The following COL23A1 variants were observed in gnomAD, a reference collection of about 807,000 sequenced individuals.
COL23A1 encodes the protein collagen type XXIII alpha 1 chain, also known as collagen alpha-1(XXIII) chain.
COL23A1 carries 97 observed loss-of-function variants against 99.3 expected under a neutral mutation model. The observed-to-expected ratio is 0.98, with a 90% CI of 0.83 to 1.16. COL23A1 has a LOEUF of 1.16. COL23A1 is among the 50% of genes most tolerant of loss of function. The probability of loss-of-function intolerance (pLI) is 0.00; values close to 1 mark genes in which losing one functional copy is unlikely to be tolerated. For synonymous variants in COL23A1, 320 were observed against 308.2 expected (o/e 1.04, Z -0.40); for missense variants, 762 against 757.4 (o/e 1.01, Z -0.07).
intron 2 of COL23A1, among the ~76,000 whole-genome samples, chr5:178,350,518 T>C (rs889252142): frequency 6.6e-6 from 1 of 152,090 alleles, no homozygotes; most frequent in South Asian, 2.1e-4. Flanking sequence ...GACTCTGCAA[T>C]GTGGGGAGCA....
At chr5:178,290,221 C>T (rs911547749) in intron 4 of COL23A1, 141 bp downstream of exon 4, 27 of 1,186,372 alleles carry the variant, frequency 2.3e-5, no homozygotes, top group African/African-American at 3.0e-5. Flanking sequence ...CGTGAGCCAC[C>T]GCACCTGGCC....
intron 2 of COL23A1, among the ~76,000 whole-genome samples, chr5:178,463,409 G>A (rs1756234023): frequency 6.6e-6 from 1 of 152,242 alleles, no homozygotes; most frequent in Non-Finnish European, 1.5e-5. Context: ...GTGAGGTGGA[G>A]TGAAACTGTT....
At chr5:178,379,485 C>T (rs534802110) in intron 2 of COL23A1, among the ~76,000 whole-genome samples, 2 of 152,274 alleles carry the variant, frequency 1.3e-5, no homozygotes, top group South Asian at 2.1e-4. Context: ...GCCTTTGACA[C>T]ATTATTCTCT....
chr5:178,538,593 C>T (rs1301169012), intron 2 of COL23A1, among the ~76,000 whole-genome samples: 1 of 152,226 alleles, frequency 6.6e-6, no homozygotes, highest in Non-Finnish European at 1.5e-5. Flanking sequence ...GCCTGGAGCA[C>T]TGTTTCACAG....
chr5:178,590,348 C>T lies in COL23A1; in HGVS notation c.-151G>A. ...TAGCAGCGGATCGCCGCGCACGCCCCCTTCGCCGCAGCCAGCTCCTCCACA... is the reference window on the plus strand; with the variant it reads ...TAGCAGCGGATCGCCGCGCACGCCCTCTTCGCCGCAGCCAGCTCCTCCACA... On this transcript the variant is annotated 5_prime_UTR_variant, in exon 1 of 29. Transcript: ENST00000390654. This position sits in a 1 kb window ranked among gnomAD's most constrained non-coding sequence, Gnocchi z 5.7. 1.6e-6 allele frequency: 1 copy of T among 617,202 alleles called. No individual in the cohort carries two copies. Among genetic ancestry groups the T allele is most frequent in the Non-Finnish European group, 2.2e-6 (1 of 448,866 alleles). The allele number at this position is 617,202 out of a possible 1,614,324, so 38.2% of individuals were successfully genotyped here. A position where few individuals can be genotyped will look rare whatever the true frequency, so the allele number is the denominator to read the frequency against.
intron 18 of COL23A1, 64 bp downstream of exon 18, chr5:178,249,985 GCACACACACACA>G: frequency 2.3e-6 from 3 of 1,307,084 alleles, no homozygotes; most frequent in Admixed American, 1.8e-5. Context: ...ACATGCACAC[GCACACACACACA>G]CACACACACA....
intron 2 of COL23A1, among the ~76,000 whole-genome samples, chr5:178,556,478 C>T (rs956078095): frequency 1.3e-5 from 2 of 150,914 alleles, no homozygotes; most frequent in African/African-American, 4.9e-5. Flanking sequence ...CAAAAATTAG[C>T]TGGGCGTGGT....
chr5:178,314,380 C>T (rs188458789), intron 2 of COL23A1, among the ~76,000 whole-genome samples: 521 of 152,240 alleles, frequency 3.4e-3, no homozygotes, highest in African/African-American at 0.012. Context: ...TCTTCGTCTT[C>T]GTCATGTTTG....
rs375536661 is a variant in COL23A1 at position 178,252,617 on chromosome 5, C to A, written c.961-20G>T. 6.2e-7 allele frequency: 1 copy of A among 1,602,062 alleles called. No homozygotes were observed. On this transcript the variant is annotated intron_variant, in intron 16 of 28. Coordinates refer to ENST00000390654, the MANE Select transcript of COL23A1 (RefSeq NM_173465.4). ...AGGCCCCTGTGTGTGAGAGTGAAGC[C>A]GGTCAGTGTCATGGGTTAGGCAGGG...
chr5:178,448,551 C>T (rs11956284), intron 2 of COL23A1, among the ~76,000 whole-genome samples: 29,706 of 151,698 alleles, frequency 0.2, 3,671 homozygotes, highest in African/African-American at 0.35. Context: ...GATCGAGGAC[C>T]TAGCATCTGG....
At chr5:178,272,333 G>A (rs751143797) in intron 5 of COL23A1, among the ~76,000 whole-genome samples, 3 of 152,228 alleles carry the variant, frequency 2.0e-5, no homozygotes, top group Non-Finnish European at 2.9e-5. Context: ...TGGCCCATCT[G>A]CCCATTCCCA....
At chr5:178,584,472 G>T (rs759900306) in intron 1 of COL23A1, among the ~76,000 whole-genome samples, 56 of 152,162 alleles carry the variant, frequency 3.7e-4, no homozygotes, top group Admixed American at 2.0e-4. Flanking sequence ...AAAGCACTGA[G>T]ATTATAGGTG....
chr5:178,512,493 GGA>G (rs1759264568), intron 2 of COL23A1, among the ~76,000 whole-genome samples: 1 of 152,178 alleles, frequency 6.6e-6, no homozygotes, highest in Non-Finnish European at 1.5e-5. Context: ...GTCCAGCAAG[GGA>G]GAGAGACAGA....
chr5:178,535,590 G>A (rs955646031), intron 2 of COL23A1, among the ~76,000 whole-genome samples: 2 of 152,280 alleles, frequency 1.3e-5, no homozygotes, highest in Admixed American at 6.5e-5. Flanking sequence ...CCAGGCCAGG[G>A]TCAGAAGCCT....
intron 2 of COL23A1, among the ~76,000 whole-genome samples, chr5:178,416,885 C>G (rs1042815121): frequency 6.6e-6 from 1 of 152,090 alleles, no homozygotes. Context: ...TGTCAACACA[C>G]AGGATGATGG....
chr5:178,257,429 T>C (rs552761994), intron 13 of COL23A1, 94 bp downstream of exon 13: 1 of 1,422,658 alleles, frequency 7.0e-7, no homozygotes, highest in African/African-American at 1.4e-5. Context: ...TAGGAACCCG[T>C]GGTGCCAAAG....
rs1167943483 is a variant in COL23A1, at chr5:178,387,354, C to T, written c.362-80435G>A. 6.6e-6 allele frequency among the ~76,000 whole-genome samples: 1 copy of T among 152,182 alleles called. No individual in the cohort carries two copies. The highest frequency in any genetic ancestry group is 1.9e-4 in the East Asian group (1 of 5,188). On this transcript the variant is annotated intron_variant, in intron 2 of 28. Coordinates refer to ENST00000390654, the MANE Select transcript of COL23A1 (RefSeq NM_173465.4). The surrounding 1 kb of genome is among the most constrained non-coding windows in gnomAD (Gnocchi z 4.7). The stretch of plus-strand genomic sequence containing the variant: ...CCAGCCCTGGTCAAACTGACCCGCT[C>T]ACAAGTCTCTAAGACACTGCTGGGT...
At chr5:178,354,885 C>T (rs1005980451) in intron 2 of COL23A1, among the ~76,000 whole-genome samples, 17 of 151,906 alleles carry the variant, frequency 1.1e-4, no homozygotes, top group South Asian at 2.1e-4. Context: ...GGTGAAACCC[C>T]GTCTCTAGTA....
chr5:178,493,334 C>T (rs887509282), intron 2 of COL23A1, among the ~76,000 whole-genome samples: 4 of 152,214 alleles, frequency 2.6e-5, no homozygotes, highest in Admixed American at 6.5e-5. Context: ...CACCAGGCCT[C>T]CAACTTGCCT....
Sources: gnomAD v4.1 joint callset for allele counts (sites outside exome capture counted in the v4.1 genomes callset) on GRCh38, gnomAD v4.1.1 for gene constraint, Gnocchi (gnomAD v3.1) non-coding constraint, MANE v1.5 for transcripts, NCBI Gene and HGNC (gene_info 2026-07-23, HGNC 2026-07-21) for gene names.